Variants in UBASH3A observed in about 807,000 individuals in gnomAD.
UBASH3A encodes ubiquitin associated and SH3 domain containing A.
UBASH3A carries 63 observed loss-of-function variants against 73.5 expected under a neutral mutation model. That is an observed-to-expected ratio of 0.86 (90% CI 0.70 to 1.06). UBASH3A has a LOEUF of 1.06. Among genes scored for constraint, UBASH3A ranks in the 50% least tolerant of loss-of-function variants. The pLI is 0.00. For synonymous variants in UBASH3A, 363 were observed against 351.1 expected (o/e 1.03, Z -0.38); for missense variants, 860 against 859.0 (o/e 1.00, Z -0.02).
intron 6 of UBASH3A, 105 bp from the exon 7 acceptor site, chr21:42,418,296 G>A: frequency 1.1e-6 from 1 of 946,650 alleles, no homozygotes; most frequent in Middle Eastern, 2.2e-4. Flanking sequence ...AGAACACATT[G>A]GAGGGGCAGA....
chr21:42,406,303 T>G lies in UBASH3A; in HGVS notation c.114-5T>G. The G allele has an allele frequency of 6.2e-7, 1 of 1,613,788 alleles. No individual in the cohort carries two copies. The highest frequency in any genetic ancestry group is 8.5e-7 in the Non-Finnish European group (1 of 1,179,670). On this transcript the variant is annotated splice_polypyrimidine_tract_variant and splice_region_variant and intron_variant, in intron 1 of 14. Coordinates refer to ENST00000319294, the MANE Select transcript of UBASH3A (RefSeq NM_018961.4). ...GACTTTGTGTCTGTGTCTGCTCTTC[T>G]GCAGGCTGAAAGCGTTGGCAGCCAC... is the stretch of plus-strand genomic sequence containing the variant.
chr21:42,421,470 G>A (rs2053337338), intron 7 of UBASH3A, among the ~76,000 whole-genome samples: 1 of 152,180 alleles, frequency 6.6e-6, no homozygotes, highest in Non-Finnish European at 1.5e-5. Flanking sequence ...CTCCTAAAAT[G>A]CTCCACAGCT....
At chr21:42,411,193 GAC>G (rs1276207154) in intron 3 of UBASH3A, among the ~76,000 whole-genome samples, 1 of 150,648 alleles carries the variant, frequency 6.6e-6, no homozygotes, top group Non-Finnish European at 1.5e-5. Flanking sequence ...TAGACACACA[GAC>G]ACACACATAT....
chr21:42,442,465 GA>G lies in UBASH3A; in HGVS notation c.1507del (p.Ile503SerfsTer25). 3 of 1,613,720 alleles carry G rather than the reference GA, an allele frequency of 1.9e-6. No individual in the cohort carries two copies. Among genetic ancestry groups the G allele is most frequent in the South Asian group, 1.1e-5 (1 of 90,936 alleles). On this transcript the variant is annotated frameshift_variant, in exon 12 of 15. Transcript: ENST00000319294. LOFTEE classifies it high-confidence loss of function. ...TGTTGAATCCAGAACTCAAACTGGA[GA>G]AAAAAATCAAGATACGAGTGGAACC... The part of the protein sequence containing the change: ...KLILEELKLE[K>X]KIKIRVEPGI...
At chr21:42,410,197 C>T in intron 3 of UBASH3A, 1 of 700,948 alleles carries the variant, frequency 1.4e-6, no homozygotes, top group South Asian at 1.5e-5. Flanking sequence ...GGCAGCTCTA[C>T]AGGGGCACCG....
chr21:42,422,860 G>T (rs1351044004), intron 7 of UBASH3A, among the ~76,000 whole-genome samples: 1 of 152,138 alleles, frequency 6.6e-6, no homozygotes, highest in Non-Finnish European at 1.5e-5. Flanking sequence ...ATGCCTAAAG[G>T]TTCCCTGGAA....
At chr21:42,444,460 C>G in intron 13 of UBASH3A, 74 bp from the exon 14 acceptor site, 1 of 1,171,944 alleles carries the variant, frequency 8.5e-7, no homozygotes. Context: ...CCCCCCACCA[C>G]TTTGGGGACC....
chr21:42,434,412 G>A (rs144034085), intron 9 of UBASH3A, among the ~76,000 whole-genome samples: 27 of 152,316 alleles, frequency 1.8e-4, no homozygotes, highest in African/African-American at 5.5e-4. Context: ...TCCAGCTCAA[G>A]CACTCTGTCC....
At chr21:42,417,146 G>A (rs1053891400) in intron 6 of UBASH3A, among the ~76,000 whole-genome samples, 1 of 152,052 alleles carries the variant, frequency 6.6e-6, no homozygotes, top group African/African-American at 2.4e-5. Flanking sequence ...AAGGAAGCTG[G>A]GTGTGGTGGC....
Position 42,418,549 on chromosome 21 carries a change from G to A in UBASH3A, c.986G>A (p.Gly329Asp). The A allele has an allele frequency of 6.2e-7, 1 of 1,614,160 alleles. No homozygotes were observed. The highest frequency in any genetic ancestry group is 8.5e-7 in the Non-Finnish European group (1 of 1,180,026). ...IGISQRTGCR[G>D]FLPENYTDRA... ...ATCTCACAGCGGACGGGCTGCCGGG[G>A]CTTCCTGCCGGAAAACTACACGGAT... Residue 329 changes from glycine to aspartate, a missense_variant, in exon 7 of 15, where the codon GGC becomes GAC. Gly to Asp is a moderately conservative substitution (Grantham distance 94). Transcript: ENST00000319294.
intron 7 of UBASH3A, among the ~76,000 whole-genome samples, chr21:42,425,052 C>G (rs1441623863): frequency 6.6e-6 from 1 of 152,176 alleles, no homozygotes; most frequent in Non-Finnish European, 1.5e-5. Flanking sequence ...TGAAGCCGCT[C>G]AGCTGTGGGA....
At chr21:42,443,176 T>C (rs1601605964) in intron 12 of UBASH3A, 136 bp from the exon 13 acceptor site, 29 of 1,407,216 alleles carry the variant, frequency 2.1e-5, no homozygotes, top group East Asian at 1.9e-4. Flanking sequence ...AACTGGAGCC[T>C]GCCTGTTGAC....
intron 5 of UBASH3A, among the ~76,000 whole-genome samples, chr21:42,415,814 C>A (rs1165411796): frequency 6.6e-6 from 1 of 152,212 alleles, no homozygotes; most frequent in African/African-American, 2.4e-5. Context: ...CACAGACCGC[C>A]TCCCTAGGAC....
intron 11 of UBASH3A, among the ~76,000 whole-genome samples, chr21:42,438,226 C>T (rs112637885): frequency 0.014 from 2,184 of 152,250 alleles, 64 homozygotes; most frequent in African/African-American, 0.05. Context: ...GAGCATGTCG[C>T]CTCCATGGTG....
At chr21:42,440,086 C>G (rs1250025137) in intron 11 of UBASH3A, among the ~76,000 whole-genome samples, 1 of 151,964 alleles carries the variant, frequency 6.6e-6, no homozygotes, top group Non-Finnish European at 1.5e-5. Flanking sequence ...AGTCACAGAC[C>G]GCAGAGGAGG....
rs1204668293 is a variant in UBASH3A at position 42,443,369 on chromosome 21, C to T, written c.1689C>T (p.Asp563=). 2 of 1,613,454 alleles carry T rather than the reference C, an allele frequency of 1.2e-6. No homozygotes were observed. The highest frequency in any genetic ancestry group is 1.7e-6 in the Non-Finnish European group (2 of 1,179,692). ...MPAESYQEYM[D]RCTASMVQIV... Reference sequence around the variant, plus strand: ...CCGAGAGCTACCAGGAGTACATGGACAGGTGCACGGCGAGCATGGTGCAAA... The same window carrying T: ...CCGAGAGCTACCAGGAGTACATGGATAGGTGCACGGCGAGCATGGTGCAAA... The change falls in exon 13 of 15, where the codon GAC becomes GAT. Residue 563 remains aspartate (D), a synonymous_variant. Transcript: ENST00000319294.
intron 8 of UBASH3A, among the ~76,000 whole-genome samples, chr21:42,427,422 T>C (rs1213284832): frequency 6.6e-6 from 1 of 152,192 alleles, no homozygotes; most frequent in Non-Finnish European, 1.5e-5. Flanking sequence ...TGCTGGCCTT[T>C]GTCTGGTTGC....
At chr21:42,410,989 GACAT>G (rs2053081631) in intron 3 of UBASH3A, among the ~76,000 whole-genome samples, 1 of 145,864 alleles carries the variant, frequency 6.9e-6, no homozygotes, top group African/African-American at 2.6e-5. Context: ...CATGCATACA[GACAT>G]ACATAGATAT....
At chr21:42,445,089 T>C (rs572439666) in intron 14 of UBASH3A, among the ~76,000 whole-genome samples, 2 of 152,190 alleles carry the variant, frequency 1.3e-5, no homozygotes, top group Non-Finnish European at 2.9e-5. Context: ...CTTGAGCTGG[T>C]TGTAGCTGCC....
Sources: gnomAD v4.1 joint callset for allele counts (sites outside exome capture counted in the v4.1 genomes callset) on GRCh38, gnomAD v4.1.1 for gene constraint, MANE v1.5 for transcripts, NCBI Gene and HGNC (gene_info 2026-07-23, HGNC 2026-07-21) for gene names.